The following SLC1A7 variants were observed in gnomAD, a reference collection of about 807,000 sequenced individuals.
SLC1A7 encodes the protein excitatory amino acid transporter 5.
In SLC1A7, 40 loss-of-function variants were observed where a neutral mutation model predicts 47.7. That is an observed-to-expected ratio of 0.84 (90% CI 0.65 to 1.09). The LOEUF (loss-of-function observed/expected upper bound fraction) is 1.09, where lower values mean the gene tolerates loss of function less well. Ranked by LOEUF, SLC1A7 falls within the 50% of genes least tolerant of loss-of-function variation. The probability of loss-of-function intolerance (pLI) is 0.00; values close to 1 mark genes in which losing one functional copy is unlikely to be tolerated. For missense variants in SLC1A7, 746 were observed against 769.5 expected (o/e 0.97, Z 0.36); for synonymous variants, 323 against 325.6 (o/e 0.99, Z 0.09).
At chr1:53,104,498 T>C (rs1355751325) in intron 4 of SLC1A7, among the ~76,000 whole-genome samples, 1 of 152,188 alleles carries the variant, frequency 6.6e-6, no homozygotes, top group African/African-American at 2.4e-5. Context: ...TCCTGAAGGA[T>C]GGGTAGGAGT....
At chr1:53,117,948 C>A (rs1401992014) in intron 2 of SLC1A7, among the ~76,000 whole-genome samples, 1 of 152,274 alleles carries the variant, frequency 6.6e-6, no homozygotes, top group Non-Finnish European at 1.5e-5. Context: ...TGGAGCCTCC[C>A]TCCCTTCCCA....
intron 5 of SLC1A7, 37 bp downstream of exon 5, chr1:53,103,309 G>C: frequency 6.7e-7 from 1 of 1,495,972 alleles, no homozygotes. Flanking sequence ...TGGGGGCCCG[G>C]CTCCACGGCA....
At chr1:53,131,378 C>A (rs555710426) in intron 2 of SLC1A7, among the ~76,000 whole-genome samples, 1 of 152,332 alleles carries the variant, frequency 6.6e-6, no homozygotes, top group South Asian at 2.1e-4. Flanking sequence ...CATAGCAAGG[C>A]CAGGCTGTGT....
intron 1 of SLC1A7, among the ~76,000 whole-genome samples, chr1:53,138,168 C>T (rs1645019722): frequency 6.6e-6 from 1 of 152,174 alleles, no homozygotes; most frequent in Non-Finnish European, 1.5e-5. Flanking sequence ...TTAAGATGTT[C>T]AAAGCCATTC....
At chr1:53,097,246 A>AT (rs1394894413) in intron 5 of SLC1A7, among the ~76,000 whole-genome samples, 3 of 148,000 alleles carry the variant, frequency 2.0e-5, no homozygotes, top group African/African-American at 5.0e-5. Context: ...CGGTACACTC[A>AT]TTTTTTCTCG....
chr1:53,108,743 G>A lies in SLC1A7; in HGVS notation c.432-2969C>T, dbSNP rs1056728807. 1.0e-5 allele frequency: 7 copies of A among 684,008 alleles called. No individual in the cohort carries two copies. In the African/African-American group the frequency reaches 1.1e-4, roughly 11 times the overall value. The allele number at this position is 684,008 out of a possible 1,614,324, so 42.4% of individuals were successfully genotyped here. On this transcript the variant is annotated intron_variant, in intron 3 of 10. Coordinates refer to ENST00000371494, the MANE Select transcript of SLC1A7 (RefSeq NM_006671.6). Reference sequence around the variant, plus strand: ...ACGGCACACAGGAGGGCAGGGCCTGGGACCCTGGTGACTGCCAGCTGCCCA... The same window carrying A: ...ACGGCACACAGGAGGGCAGGGCCTGAGACCCTGGTGACTGCCAGCTGCCCA...
chr1:53,142,227 G>T (rs1645064990), intron 1 of SLC1A7, 88 bp downstream of exon 1: 4 of 1,410,748 alleles, frequency 2.8e-6, no homozygotes, highest in South Asian at 1.4e-5. Flanking sequence ...TGGCACCAGG[G>T]AGCTGTGATG....
At chr1:53,106,463 G>A (rs1374841579) in intron 3 of SLC1A7, among the ~76,000 whole-genome samples, 1 of 151,910 alleles carries the variant, frequency 6.6e-6, no homozygotes, top group Non-Finnish European at 1.5e-5. Context: ...AATTAGCTGG[G>A]CACGGTGGCG....
Position 53,135,303 on chromosome 1 carries a change from C to T in SLC1A7, c.136-874G>A, listed in dbSNP as rs186019514. ...ACATGAACTAGGCAGGGTTCCTGTC[C>T]TGAGAAGTTCCCAGCCTAGCTGGTG... On this transcript the variant is annotated intron_variant, in intron 1 of 10. Coordinates refer to ENST00000371494, the MANE Select transcript of SLC1A7 (RefSeq NM_006671.6). 1.9e-3 allele frequency among the ~76,000 whole-genome samples: 285 copies of T among 152,308 alleles called. 1 individual carries two copies. Among genetic ancestry groups the T allele is most frequent in the African/African-American group, 6.4e-3 (268 of 41,566 alleles).
chr1:53,129,479 G>T (rs1183743200), intron 2 of SLC1A7, among the ~76,000 whole-genome samples: 4,780 of 116,946 alleles, frequency 0.041, 20 homozygotes, highest in Middle Eastern at 0.068. Context: ...AGCCACCACT[G>T]GTCAAGCGTG....
At chr1:53,119,498 G>A (rs1644797272) in intron 2 of SLC1A7, among the ~76,000 whole-genome samples, 1 of 152,064 alleles carries the variant, frequency 6.6e-6, no homozygotes, top group Non-Finnish European at 1.5e-5. Context: ...ACAGGCACTC[G>A]ACACCATGCC....
At position 53,093,807 on chromosome 1, in the gene SLC1A7, A is replaced by C. The variant is rs78308395; in HGVS notation, c.698-247T>G. On this transcript the variant is annotated intron_variant, in intron 5 of 10. Transcript: ENST00000371494. ...CTCAGGATAAAAGTGCTCCCTGCCA[A>C]GTGCACCCCTGGCTTCGCTGTGCGC... is the stretch of plus-strand genomic sequence containing the variant. 4.4e-3 allele frequency among the ~76,000 whole-genome samples: 667 copies of C among 152,174 alleles called. 7 individuals are homozygous for C. The highest frequency in any genetic ancestry group is 0.015 in the African/African-American group (629 of 41,524).
chr1:53,091,172 C>T (rs1223808393), intron 7 of SLC1A7, among the ~76,000 whole-genome samples: 1 of 152,244 alleles, frequency 6.6e-6, no homozygotes. Context: ...AACCCTGTGC[C>T]TCAGCATCTT....
chr1:53,104,906 C>T (rs369332152), intron 4 of SLC1A7, among the ~76,000 whole-genome samples: 3 of 152,084 alleles, frequency 2.0e-5, no homozygotes, highest in East Asian at 1.9e-4. Flanking sequence ...ACAATTTCGA[C>T]GAAGGAAAAA....
chr1:53,142,194 G>A lies in SLC1A7; in HGVS notation c.135+121C>T, dbSNP rs943850346. Reference sequence around the variant, plus strand: ...GATGAGAAAACCAGGACCCAGAGAGGCAGAGGGATTCACACACTGTCATGG... The same window carrying A: ...GATGAGAAAACCAGGACCCAGAGAGACAGAGGGATTCACACACTGTCATGG... On this transcript the variant is annotated intron_variant, in intron 1 of 10. Coordinates refer to ENST00000371494, the MANE Select transcript of SLC1A7 (RefSeq NM_006671.6). 5.3e-6 allele frequency: 6 copies of A among 1,125,966 alleles called. No homozygotes were observed. In the East Asian group the frequency reaches 1.6e-4, roughly 29 times the overall value. 69.7% of individuals were successfully genotyped at this position (1,125,966 alleles called of 1,614,324 possible).
intron 2 of SLC1A7, among the ~76,000 whole-genome samples, chr1:53,122,070 C>G (rs1036550676): frequency 6.6e-6 from 1 of 152,004 alleles, no homozygotes; most frequent in African/African-American, 2.4e-5. Context: ...CCTGGGAATG[C>G]TGGGGATGAT....
intron 2 of SLC1A7, among the ~76,000 whole-genome samples, chr1:53,129,809 G>A (rs1228875554): frequency 7.1e-6 from 1 of 140,554 alleles, no homozygotes; most frequent in African/African-American, 2.6e-5. Flanking sequence ...ACTTCTGAAC[G>A]AATCTGTCAC....
intron 5 of SLC1A7, among the ~76,000 whole-genome samples, chr1:53,099,963 T>A (rs940914628): frequency 1.4e-5 from 2 of 147,420 alleles, no homozygotes; most frequent in Non-Finnish European, 3.0e-5. Flanking sequence ...CTCGTTATAC[T>A]CACACCATCT....
intron 5 of SLC1A7, among the ~76,000 whole-genome samples, chr1:53,096,092 A>G (rs1572300308): frequency 1.7e-5 from 2 of 121,030 alleles, no homozygotes; most frequent in Non-Finnish European, 3.4e-5. Context: ...TGGTATGCTC[A>G]CACCCCCCCA....
Sources: allele counts gnomAD v4.1 joint callset (sites outside exome capture counted in the v4.1 genomes callset), GRCh38; gene constraint gnomAD v4.1.1; transcripts MANE v1.5; gene names NCBI Gene and HGNC (gene_info 2026-07-23, HGNC 2026-07-21).